Variants in LRRN1 observed in about 807,000 individuals in gnomAD.
LRRN1 encodes leucine-rich repeat neuronal protein 1.
A neutral mutation model predicts 45.8 loss-of-function variants in LRRN1; 14 were observed. The ratio of observed to expected loss-of-function variants is 0.31; its 90% CI spans 0.20 to 0.48. LRRN1 has a LOEUF of 0.48. LRRN1 is among the 20% of genes least tolerant of loss of function. The pLI, the probability that LRRN1 is intolerant of heterozygous loss-of-function variation, is 0.99. For synonymous variants in LRRN1, 359 were observed against 330.1 expected, an observed-to-expected ratio of 1.09 and a Z score of -0.95; for missense variants, 789 against 874.2, an observed-to-expected ratio of 0.90 and a Z score of 1.23.
chr3:3,804,430 G>A (rs2106449329), intron 1 of LRRN1, among the ~76,000 whole-genome samples: 1 of 152,288 alleles, frequency 6.6e-6, no homozygotes, highest in South Asian at 2.1e-4. Context: ...GAGATGCGGA[G>A]AATCTAGGGG....
Position 3,828,125 on chromosome 3 carries a change from G to A in LRRN1, c.-278-16239G>A, listed in dbSNP as rs898543811. On this transcript the variant is annotated intron_variant, in intron 1 of 1. Coordinates refer to ENST00000319331, the MANE Select transcript of LRRN1 (RefSeq NM_020873.7). ...CAGTGTGTTAGGGTTCTCTTAGAGGGACAGAATTATATATATATATATATA... is the reference window on the plus strand; with the variant it reads ...CAGTGTGTTAGGGTTCTCTTAGAGGAACAGAATTATATATATATATATATA... Among the ~76,000 whole-genome samples the A allele has an allele frequency of 4.8e-5, 4 of 82,638 alleles. No individual in the cohort carries two copies. In the East Asian group the frequency reaches 9.8e-4, roughly 20 times the overall value. 54.2% of individuals were successfully genotyped at this position (82,638 alleles called of 152,430 possible).
intron 1 of LRRN1, among the ~76,000 whole-genome samples, chr3:3,837,909 G>A (rs1400372504): frequency 1.3e-5 from 2 of 151,886 alleles, no homozygotes; most frequent in Non-Finnish European, 2.9e-5. Context: ...AACAAGCCCT[G>A]TGTGTGTCGT....
At chr3:3,806,396 G>A (rs1017905) in intron 1 of LRRN1, among the ~76,000 whole-genome samples, 30,404 of 152,138 alleles carry the variant, frequency 0.2, 4,672 homozygotes, top group African/African-American at 0.41. Context: ...TCACAGAACA[G>A]GCTTTCACCT....
chr3:3,815,599 T>G (rs1692971661), intron 1 of LRRN1, among the ~76,000 whole-genome samples: 1 of 152,200 alleles, frequency 6.6e-6, no homozygotes, highest in Admixed American at 6.5e-5. Context: ...TGCTCACATT[T>G]TGTGCTAAGT....
intron 1 of LRRN1, among the ~76,000 whole-genome samples, chr3:3,827,925 A>G (rs1475411223): frequency 6.6e-6 from 1 of 152,120 alleles, no homozygotes; most frequent in East Asian, 1.9e-4. Flanking sequence ...AATAGAAATG[A>G]CAAATAATAT....
At chr3:3,810,466 C>T (rs936562485) in intron 1 of LRRN1, among the ~76,000 whole-genome samples, 4 of 152,242 alleles carry the variant, frequency 2.6e-5, no homozygotes, top group African/African-American at 7.2e-5. Flanking sequence ...CATCTTGTAT[C>T]TTGACCAAAC....
intron 1 of LRRN1, among the ~76,000 whole-genome samples, chr3:3,830,623 C>T (rs1693350509): frequency 6.6e-6 from 1 of 152,218 alleles, no homozygotes. Context: ...TCAGGGCAGG[C>T]TGGGGGAGAG....
intron 1 of LRRN1, among the ~76,000 whole-genome samples, chr3:3,825,612 C>G (rs1025606334): frequency 6.6e-6 from 1 of 152,140 alleles, no homozygotes; most frequent in Non-Finnish European, 1.5e-5. Flanking sequence ...TTAGGAAACA[C>G]TGAATTTGGG....
chr3:3,833,034 G>A (rs1259916925), intron 1 of LRRN1, among the ~76,000 whole-genome samples: 1 of 152,202 alleles, frequency 6.6e-6, no homozygotes, highest in Non-Finnish European at 1.5e-5. Context: ...TCTTCCCACT[G>A]TATTTAAATT....
intron 1 of LRRN1, among the ~76,000 whole-genome samples, chr3:3,827,004 C>G (rs1373583454): frequency 6.6e-6 from 1 of 151,940 alleles, no homozygotes; most frequent in Non-Finnish European, 1.5e-5. Flanking sequence ...TTTCAACGAT[C>G]TATGCCTTAC....
At chr3:3,835,098 G>A (rs1693479019) in intron 1 of LRRN1, among the ~76,000 whole-genome samples, 1 of 152,084 alleles carries the variant, frequency 6.6e-6, no homozygotes, top group South Asian at 2.1e-4. Context: ...TTTAGCTATG[G>A]AAACTGAGGC....
intron 1 of LRRN1, among the ~76,000 whole-genome samples, chr3:3,819,877 T>C (rs1693067313): frequency 6.6e-6 from 1 of 152,190 alleles, no homozygotes. Context: ...TTTCATCTTT[T>C]TGACAACCAC....
Position 3,846,020 on chromosome 3 carries a change from T to C in LRRN1, c.1379T>C (p.Val460Ala). 1 of 1,613,990 alleles carries C rather than the reference T, an allele frequency of 6.2e-7. No individual in the cohort carries two copies. Among genetic ancestry groups the C allele is most frequent in the African/African-American group, 1.3e-5 (1 of 75,034 alleles). Residue 460 changes from valine to alanine, a missense_variant, in exon 2 of 2, where the codon GTC (valine) becomes GCC (alanine). Transcript: ENST00000319331. The surrounding 1 kb of genome is among the most constrained non-coding windows in gnomAD (Gnocchi z 5.7). ...GAGCCAGAACCTGAAATTTACTGGG[T>C]CACTCCCATTGGAAATAAGATAACT... ...MAEPEPEIYW[V>A]TPIGNKITVE... is the part of the protein sequence containing the mutation.
chr3:3,833,260 C>T (rs894833837), intron 1 of LRRN1, among the ~76,000 whole-genome samples: 1 of 152,182 alleles, frequency 6.6e-6, no homozygotes, highest in Non-Finnish European at 1.5e-5. Flanking sequence ...TGGATCCCTT[C>T]CTCTACATTA....
chr3:3,829,913 AGCTG>A (rs1693329059), intron 1 of LRRN1, among the ~76,000 whole-genome samples: 1 of 152,170 alleles, frequency 6.6e-6, no homozygotes, highest in African/African-American at 2.4e-5. Flanking sequence ...ATAATCAGGT[AGCTG>A]GCTGATCATC....
Position 3,844,451 on chromosome 3 carries a change from TC to T in LRRN1, c.-189del, listed in dbSNP as rs1693710969. On this transcript the variant is annotated 5_prime_UTR_variant, in exon 2 of 2. Coordinates refer to ENST00000319331, the MANE Select transcript of LRRN1 (RefSeq NM_020873.7). ...GAATTGAGAGACACAGTTAAAAGACTCCAAGTTGCTTTCTGCCTTTTGAAAA... is the reference window on the plus strand; with the variant it reads ...GAATTGAGAGACACAGTTAAAAGACTCAAGTTGCTTTCTGCCTTTTGAAAA... 8.9e-6 allele frequency: 5 copies of T among 561,538 alleles called. No homozygotes were observed. Among genetic ancestry groups the T allele is most frequent in the Non-Finnish European group, 1.6e-5 (5 of 318,826 alleles). 34.8% of individuals were successfully genotyped at this position (561,538 alleles called of 1,614,324 possible). A position where few individuals can be genotyped will look rare whatever the true frequency, so the allele number is the denominator to read the frequency against.
rs78586149 is a variant in LRRN1 at position 3,809,235 on chromosome 3, C to T, written c.-279+9316C>T. Among the ~76,000 whole-genome samples the T allele has an allele frequency of 8.8e-3, 1,334 of 152,182 alleles. 70 individuals carry two copies. The East Asian group carries it at 0.15, about 18-fold the overall frequency. ...CTTGGCTCACTGCAGCCTCTGCCTC[C>T]GGGGTTCAAGCAAGTCTTGTGCCTC... On this transcript the variant is annotated intron_variant, in intron 1 of 1. Transcript: ENST00000319331.
chr3:3,836,682 T>C (rs778949896), intron 1 of LRRN1, among the ~76,000 whole-genome samples: 2 of 152,104 alleles, frequency 1.3e-5, no homozygotes, highest in Non-Finnish European at 2.9e-5. Context: ...GATTAACACA[T>C]AGGAAGCAAT....
intron 1 of LRRN1, among the ~76,000 whole-genome samples, chr3:3,832,746 T>C (rs774449716): frequency 9.9e-5 from 15 of 152,210 alleles, no homozygotes; most frequent in Non-Finnish European, 1.8e-4. Flanking sequence ...AGTCTGGAAA[T>C]TGAGCGGTCA....
Sources: allele counts gnomAD v4.1 joint callset (sites outside exome capture counted in the v4.1 genomes callset), GRCh38; gene constraint gnomAD v4.1.1; non-coding constraint Gnocchi (gnomAD v3.1); transcripts MANE v1.5; gene names NCBI Gene and HGNC (gene_info 2026-07-23, HGNC 2026-07-21).